EFL1: variants seen among roughly 807,000 people sequenced by gnomAD.
The protein encoded by EFL1 is elongation factor-like GTPase 1.
In EFL1, 76 loss-of-function variants were observed where a neutral mutation model predicts 126.7. That is an observed-to-expected ratio of 0.60 (90% CI 0.50 to 0.73). The LOEUF (loss-of-function observed/expected upper bound fraction) is 0.73. EFL1 is among the 30% of genes least tolerant of loss of function. The probability of loss-of-function intolerance (pLI) is 0.00; values close to 1 mark genes in which losing one functional copy is unlikely to be tolerated. For missense variants in EFL1, 1,128 were observed against 1,343.2 expected, an observed-to-expected ratio of 0.84 and a Z score of 2.50; for synonymous variants, 410 against 448.4, an observed-to-expected ratio of 0.91 and a Z score of 1.08.
At chr15:82,177,089 G>A (rs879836798) in intron 15 of EFL1, among the ~76,000 whole-genome samples, 3 of 152,192 alleles carry the variant, frequency 2.0e-5, no homozygotes. Context: ...TTCGAAAGGA[G>A]CTTGGCTTCT....
intron 7 of EFL1, among the ~76,000 whole-genome samples, chr15:82,231,869 C>A (rs1273344888): frequency 6.6e-6 from 1 of 152,144 alleles, no homozygotes; most frequent in Admixed American, 6.6e-5. Context: ...TCCTATGCCT[C>A]AAAAAGAAAG....
At chr15:82,227,381 G>C in intron 11 of EFL1, 69 bp downstream of exon 11, 2 of 1,611,404 alleles carry the variant, frequency 1.2e-6, no homozygotes, top group Non-Finnish European at 1.7e-6. Flanking sequence ...TCAGCAAACT[G>C]GTCTAGAGCA....
chr15:82,137,943 A>T (rs1416254250), intron 19 of EFL1, among the ~76,000 whole-genome samples: 1 of 152,124 alleles, frequency 6.6e-6, no homozygotes, highest in Non-Finnish European at 1.5e-5. Context: ...GTCTGACCTT[A>T]TCTTTGCCAC....
In EFL1 at chr15:82,211,583, A is replaced by ACAC. The variant is rs1567064816; in HGVS notation, c.1750+3133_1750+3134insGTG. On this transcript the variant is annotated intron_variant, in intron 15 of 19. Coordinates refer to ENST00000268206, the MANE Select transcript of EFL1 (RefSeq NM_024580.6). ...ACACACACACACACACACACACACTAGACACATACTAGACACACACACACA... is the reference window on the plus strand; with the variant it reads ...ACACACACACACACACACACACACTACACGACACATACTAGACACACACACACA... 1.3e-3 allele frequency among the ~76,000 whole-genome samples: 75 copies of ACAC among 56,250 alleles called. 4 individuals carry two copies. Among genetic ancestry groups the ACAC allele is most frequent in the African/African-American group, 8.7e-3 (70 of 8,052 alleles). The allele number at this position is 56,250 out of a possible 152,430, so 36.9% of individuals were successfully genotyped here.
intron 7 of EFL1, among the ~76,000 whole-genome samples, chr15:82,237,300 T>A (rs1226191808): frequency 1.3e-5 from 2 of 151,956 alleles, no homozygotes; most frequent in Non-Finnish European, 2.9e-5. Flanking sequence ...TAGAAAAAAC[T>A]CTCAAAATTC....
chr15:82,226,866 T>C (rs556495277), intron 11 of EFL1, among the ~76,000 whole-genome samples: 1 of 152,164 alleles, frequency 6.6e-6, no homozygotes, highest in East Asian at 1.9e-4. Context: ...AAAAGAGATA[T>C]TAAGGATAAG....
At chr15:82,253,656 G>A (rs1435388376) in intron 3 of EFL1, among the ~76,000 whole-genome samples, 1 of 152,126 alleles carries the variant, frequency 6.6e-6, no homozygotes, top group Admixed American at 6.5e-5. Flanking sequence ...AGCAAGAGAA[G>A]TCTTTATTCC....
intron 15 of EFL1, among the ~76,000 whole-genome samples, chr15:82,211,592 C>CACACACA (rs1567064834): frequency 1.7e-5 from 1 of 60,106 alleles, no homozygotes; most frequent in East Asian, 3.1e-4. Flanking sequence ...TAGACACATA[C>CACACACA]TAGACACACA....
intron 19 of EFL1, among the ~76,000 whole-genome samples, chr15:82,135,520 A>G (rs1239875227): frequency 6.6e-6 from 1 of 152,166 alleles, no homozygotes; most frequent in Non-Finnish European, 1.5e-5. Flanking sequence ...CAGACAGTAA[A>G]TATCTTAGAC....
chr15:82,220,175 A>C lies in EFL1; in HGVS notation c.1347T>G (p.His449Gln). ...CCTGTGCTGCTGCAAGCTTCTCTGC[A>C]TGCCTTTGTCTTGCACGCTCACGTC... Reference protein sequence around the residue: ...AQRRERARQRHAEKLAAAQGQ... With the variant: ...AQRRERARQRQAEKLAAAQGQ... Residue 449 changes from histidine (H) to glutamine (Q), a missense_variant, in exon 13 of 20, where the codon CAT becomes CAG. His to Gln is a conservative substitution (Grantham distance 24). Coordinates refer to ENST00000268206, the MANE Select transcript of EFL1 (RefSeq NM_024580.6). 1 of 1,613,638 alleles carries C rather than the reference A, an allele frequency of 6.2e-7. No individual in the cohort carries two copies. Among genetic ancestry groups the C allele is most frequent in the Non-Finnish European group, 8.5e-7 (1 of 1,179,784 alleles).
chr15:82,240,683 A>C, intron 5 of EFL1, 128 bp from the exon 6 acceptor site: 1 of 1,035,204 alleles, frequency 9.7e-7, no homozygotes, highest in Admixed American at 2.6e-5. Context: ...GCATTCACAA[A>C]CTATGTATAC....
intron 15 of EFL1, among the ~76,000 whole-genome samples, chr15:82,188,899 G>A (rs1189366187): frequency 1.4e-5 from 2 of 144,632 alleles, no homozygotes; most frequent in African/African-American, 2.5e-5. Context: ...ATTTTGCAAT[G>A]TTAGAGAATG....
chr15:82,186,853 T>C (rs147885779), intron 15 of EFL1, among the ~76,000 whole-genome samples: 2,730 of 152,330 alleles, frequency 0.018, 29 homozygotes, highest in Non-Finnish European at 0.026. Context: ...AGGCTTGTTT[T>C]GCTCTAAATT....
At chr15:82,163,439 G>T (rs1185306991) in intron 16 of EFL1, among the ~76,000 whole-genome samples, 1 of 152,206 alleles carries the variant, frequency 6.6e-6, no homozygotes, top group Non-Finnish European at 1.5e-5. Flanking sequence ...TATTCAGGAG[G>T]CTGAGGCAGG....
intron 7 of EFL1, among the ~76,000 whole-genome samples, chr15:82,234,470 T>A (rs1035018183): frequency 6.6e-6 from 1 of 152,128 alleles, no homozygotes; most frequent in African/African-American, 2.4e-5. Flanking sequence ...ATGCATTACT[T>A]CAATTTATTT....
At chr15:82,229,833 T>C (rs2074802667) in intron 8 of EFL1, among the ~76,000 whole-genome samples, 2 of 152,344 alleles carry the variant, frequency 1.3e-5, no homozygotes, top group East Asian at 3.9e-4. Context: ...TAAATGATAG[T>C]GCTCTCACAA....
chr15:82,202,833 A>AT (rs200596351), intron 15 of EFL1, among the ~76,000 whole-genome samples: 10,157 of 148,128 alleles, frequency 0.069, 505 homozygotes, highest in African/African-American at 0.13. Flanking sequence ...TTTTTTTGAG[A>AT]CGGAGTCTTG....
chr15:82,174,204 A>C (rs1323900642), intron 15 of EFL1: 1 of 151,730 alleles, frequency 6.6e-6, no homozygotes, highest in East Asian at 1.9e-4. Flanking sequence ...GGAAAAAAAA[A>C]ACCATTTATG....
rs114543254 is a variant in EFL1 at position 82,206,678 on chromosome 15, A to G, written c.1750+8039T>C. On this transcript the variant is annotated intron_variant, in intron 15 of 19. Transcript: ENST00000268206. ...CCATTACAAATAAACTGGATAGTCA[A>G]TCTGATTACCTATGAGCATAAAGTA... Among the ~76,000 whole-genome samples, 1,322 of 152,274 alleles carry G rather than the reference A, an allele frequency of 8.7e-3. 21 individuals carry two copies. The highest frequency in any genetic ancestry group is 0.027 in the African/African-American group (1,125 of 41,582).
Sources: gnomAD v4.1 joint callset for allele counts (sites outside exome capture counted in the v4.1 genomes callset) on GRCh38, gnomAD v4.1.1 for gene constraint, MANE v1.5 for transcripts, NCBI Gene and HGNC (gene_info 2026-07-23, HGNC 2026-07-21) for gene names.